Variants in PTPRD observed in about 807,000 individuals in gnomAD.
PTPRD encodes the protein protein tyrosine phosphatase receptor type D.
PTPRD carries 34 observed loss-of-function variants against 214.5 expected under a neutral mutation model. That is an observed-to-expected ratio of 0.16 (90% CI 0.12 to 0.21). The LOEUF is 0.21. Ranked by LOEUF, PTPRD falls within the 10% of genes least tolerant of loss-of-function variation. The pLI is 1.00. For synonymous variants in PTPRD, 1,128 were observed against 845.7 expected (o/e 1.33, Z -5.79); for missense variants, 2,545 against 2,398.7 (o/e 1.06, Z -1.27).
At chr9:8,499,944 T>G in intron 24 of PTPRD, 104 bp from the exon 25 acceptor site, 1 of 901,274 alleles carries the variant, frequency 1.1e-6, no homozygotes, top group East Asian at 2.8e-5. Flanking sequence ...AAAAAATGGG[T>G]AAACCCACTA....
At chr9:9,037,358 T>C (rs111740942) in intron 10 of PTPRD, among the ~76,000 whole-genome samples, 8 of 152,148 alleles carry the variant, frequency 5.3e-5, no homozygotes, top group African/African-American at 1.7e-4. Flanking sequence ...TAAAATAGAA[T>C]GAACAAAGGA....
At chr9:9,469,465 A>C (rs956237790) in intron 8 of PTPRD, among the ~76,000 whole-genome samples, 2 of 152,148 alleles carry the variant, frequency 1.3e-5, no homozygotes, top group African/African-American at 4.8e-5. Flanking sequence ...CTGTGGTTAA[A>C]AACCCATCTA....
At chr9:9,613,762 A>G (rs2094682898) in intron 7 of PTPRD, among the ~76,000 whole-genome samples, 1 of 152,182 alleles carries the variant, frequency 6.6e-6, no homozygotes, top group African/African-American at 2.4e-5. Flanking sequence ...CTAGTCTACT[A>G]GGAGCCTGTA....
rs1280198795 is a variant in PTPRD at position 8,528,557 on chromosome 9, C to G, written c.541+34G>C. 8 of 1,575,752 alleles carry G rather than the reference C, an allele frequency of 5.1e-6. No homozygotes were observed. In the African/African-American group the frequency reaches 9.5e-5, roughly 19 times the overall value. On this transcript the variant is annotated intron_variant, in intron 15 of 45. Transcript: ENST00000381196. ...GAGAAAAATTAAAAAAAAAAATTCT[C>G]TAGGAGTTAGTAGAAACAGTAACAA...
At chr9:9,773,659 T>C (rs778565077) in intron 5 of PTPRD, among the ~76,000 whole-genome samples, 8 of 152,140 alleles carry the variant, frequency 5.3e-5, no homozygotes, top group Admixed American at 1.3e-4. Context: ...CAAGTGAGAG[T>C]TTAGCAAATT....
At chr9:10,179,313 C>A (rs890368528) in intron 3 of PTPRD, among the ~76,000 whole-genome samples, 1 of 151,804 alleles carries the variant, frequency 6.6e-6, no homozygotes, top group Non-Finnish European at 1.5e-5. Context: ...ATAGAAAGCA[C>A]AAATATCAAA....
chr9:9,920,564 A>C (rs2082274407), intron 5 of PTPRD, among the ~76,000 whole-genome samples: 1 of 152,136 alleles, frequency 6.6e-6, no homozygotes, highest in Non-Finnish European at 1.5e-5. Flanking sequence ...TGAACGTTTA[A>C]AGCAACAATA....
chr9:10,504,541 C>T (rs1445313049), intron 2 of PTPRD, among the ~76,000 whole-genome samples: 3 of 152,184 alleles, frequency 2.0e-5, no homozygotes, highest in African/African-American at 7.2e-5. Flanking sequence ...GAAGGGAGAG[C>T]CATATCAATT....
intron 2 of PTPRD, among the ~76,000 whole-genome samples, chr9:10,441,494 C>G (rs1480004367): frequency 6.6e-6 from 1 of 151,710 alleles, no homozygotes; most frequent in East Asian, 1.9e-4. Context: ...CATTTCAAGC[C>G]TCAGTCCAAA....
At position 10,064,940 on chromosome 9, in the gene PTPRD, C is replaced by T. The variant is rs147415288; in HGVS notation, c.-544-31150G>A. Among the ~76,000 whole-genome samples, 937 of 152,060 alleles carry T rather than the reference C, an allele frequency of 6.2e-3. 8 individuals are homozygous for T. The highest frequency in any genetic ancestry group is 0.019 in the African/African-American group (800 of 41,530). On this transcript the variant is annotated intron_variant, in intron 3 of 45. Coordinates refer to ENST00000381196, the MANE Select transcript of PTPRD (RefSeq NM_002839.4). The stretch of plus-strand genomic sequence containing the variant: ...TGCTGCACTAAATTTGACTGCTCCA[C>T]AGTGACTTTCCTAAAATTTCCAGTC...
At chr9:8,482,190 T>C (rs912624686) in intron 30 of PTPRD, among the ~76,000 whole-genome samples, 1 of 152,168 alleles carries the variant, frequency 6.6e-6, no homozygotes, top group Admixed American at 6.5e-5. Flanking sequence ...AATTTTTTTA[T>C]CCTTTAGGAT....
At chr9:9,490,301 G>C (rs888433774) in intron 8 of PTPRD, among the ~76,000 whole-genome samples, 2 of 152,050 alleles carry the variant, frequency 1.3e-5, no homozygotes, top group African/African-American at 2.4e-5. Context: ...ACAATAGCTA[G>C]AAGCTATGTG....
rs2096653395 is a variant in PTPRD at position 8,471,545 on chromosome 9, T to C, written c.3414-460A>G. ...AGTAGTGCTGTTGTTTATACAAACC[T>C]AAAATGCTTTTTATTTGAATTAAAA... On this transcript the variant is annotated intron_variant, in intron 30 of 45. Coordinates refer to ENST00000381196, the MANE Select transcript of PTPRD (RefSeq NM_002839.4). Among the ~76,000 whole-genome samples, 4 of 152,200 alleles carry C rather than the reference T, an allele frequency of 2.6e-5. No individual in the cohort carries two copies. The South Asian group carries it at 8.3e-4, about 31-fold the overall frequency.
intron 11 of PTPRD, among the ~76,000 whole-genome samples, chr9:9,014,079 G>A (rs2099523163): frequency 6.6e-6 from 1 of 151,890 alleles, no homozygotes; most frequent in African/African-American, 2.4e-5. Flanking sequence ...TCTATAATAA[G>A]TAAATCGTAA....
chr9:9,802,567 G>A (rs778000983), intron 5 of PTPRD, among the ~76,000 whole-genome samples: 2 of 151,670 alleles, frequency 1.3e-5, no homozygotes, highest in African/African-American at 4.8e-5. Context: ...TCTTATAAAT[G>A]TATGTTTGGA....
At chr9:9,007,729 C>CTTTT (rs143276661) in intron 11 of PTPRD, among the ~76,000 whole-genome samples, 1 of 128,334 alleles carries the variant, frequency 7.8e-6, no homozygotes, top group Non-Finnish European at 1.6e-5. Context: ...TTACTTGGAT[C>CTTTT]CTTTTTTTTT....
At chr9:9,665,121 G>A (rs1293343041) in intron 7 of PTPRD, among the ~76,000 whole-genome samples, 2 of 151,550 alleles carry the variant, frequency 1.3e-5, no homozygotes, top group South Asian at 2.1e-4. Flanking sequence ...GTGTGTATGT[G>A]GGGAGAGAGA....
intron 39 of PTPRD, among the ~76,000 whole-genome samples, chr9:8,353,019 G>A (rs924296053): frequency 1.3e-5 from 2 of 152,154 alleles, no homozygotes; most frequent in Non-Finnish European, 2.9e-5. Flanking sequence ...GCTGAGACAG[G>A]AGAATCGCTT....
Position 9,694,921 on chromosome 9 carries a change from C to T in PTPRD, c.-287+39612G>A, listed in dbSNP as rs563297017. ...CCGTCCAAGAGCCTAAGCCTGGACT[C>T]GGACTCCCAAGAGCCTGCTTGTTGC... On this transcript the variant is annotated intron_variant, in intron 7 of 45. Transcript: ENST00000381196. 7.9e-5 allele frequency among the ~76,000 whole-genome samples: 12 copies of T among 152,266 alleles called. 1 individual carries two copies. In the South Asian group the frequency reaches 8.3e-4, roughly 11 times the overall value.
Sources: gnomAD v4.1 joint callset for allele counts (sites outside exome capture counted in the v4.1 genomes callset) on GRCh38, gnomAD v4.1.1 for gene constraint, MANE v1.5 for transcripts, NCBI Gene and HGNC (gene_info 2026-07-23, HGNC 2026-07-21) for gene names.